SLC26A5: variants seen among roughly 807,000 people sequenced by gnomAD.
SLC26A5 encodes solute carrier family 26 member 5.
A neutral mutation model predicts 81.0 loss-of-function variants in SLC26A5; 51 were observed. The observed-to-expected ratio is 0.63, with a 90% confidence interval of 0.50 to 0.80. SLC26A5 has a LOEUF of 0.80. Among genes scored for constraint, SLC26A5 ranks in the 30% least tolerant of loss-of-function variants. SLC26A5 has a pLI of 0.00. For synonymous variants in SLC26A5, 325 were observed against 332.8 expected (o/e 0.98, Z 0.25); for missense variants, 771 against 905.8 (o/e 0.85, Z 1.91).
chr7:103,441,168 AC>A (rs1185235809), intron 2 of SLC26A5, among the ~76,000 whole-genome samples: 1 of 152,126 alleles, frequency 6.6e-6, no homozygotes, highest in Non-Finnish European at 1.5e-5. Flanking sequence ...CGTGCCTCTT[AC>A]CCTTGTCAGT....
chr7:103,442,991 G>A (rs1016485974), intron 2 of SLC26A5, 92 bp downstream of exon 2: 1 of 152,202 alleles, frequency 6.6e-6, no homozygotes, highest in African/African-American at 2.4e-5. Context: ...TAGACCTCTG[G>A]AAATTTTGAG....
chr7:103,390,362 TAAAC>T (rs1334199376), intron 12 of SLC26A5, 63 bp downstream of exon 12: 2 of 1,403,246 alleles, frequency 1.4e-6, no homozygotes, highest in Non-Finnish European at 2.0e-6. Flanking sequence ...CATAAGAACA[TAAAC>T]AAATAAAATA....
intron 2 of SLC26A5, among the ~76,000 whole-genome samples, chr7:103,430,030 T>G (rs1206745536): frequency 1.3e-5 from 2 of 151,740 alleles, no homozygotes; most frequent in Non-Finnish European, 2.9e-5. Flanking sequence ...CAATACCACA[T>G]GCAGAGCCTA....
chr7:103,370,706 A>G (rs1820984661), downstream of SLC26A5, among the ~76,000 whole-genome samples: 1 of 152,184 alleles, frequency 6.6e-6, no homozygotes, highest in South Asian at 2.1e-4. Flanking sequence ...GCTGCCATAT[A>G]CTAATACAGA....
At chr7:103,429,202 T>C (rs1005324525) in intron 2 of SLC26A5, among the ~76,000 whole-genome samples, 4 of 152,242 alleles carry the variant, frequency 2.6e-5, no homozygotes, top group African/African-American at 9.6e-5. Context: ...TTTCTTTAAG[T>C]TTTGAAATTG....
At chr7:103,445,709 G>A (rs1827254176) in intron 1 of SLC26A5, 1 of 152,330 alleles carries the variant, frequency 6.6e-6, no homozygotes, top group Non-Finnish European at 1.5e-5. Context: ...AGGCAGAACT[G>A]AGGGCCTGGT....
intron 8 of SLC26A5, among the ~76,000 whole-genome samples, chr7:103,403,840 C>G (rs1002410073): frequency 1.3e-5 from 2 of 152,010 alleles, no homozygotes; most frequent in African/African-American, 4.8e-5. Context: ...ATTTGCCAAT[C>G]TGTGTCTTTC....
chr7:103,413,481 G>A (rs1201068434), intron 4 of SLC26A5, among the ~76,000 whole-genome samples: 1 of 152,132 alleles, frequency 6.6e-6, no homozygotes. Context: ...AGACCCCTTT[G>A]CAATAAGGGA....
At chr7:103,389,222 GA>G in intron 13 of SLC26A5, 106 bp downstream of exon 13, 1 of 1,184,678 alleles carries the variant, frequency 8.4e-7, no homozygotes, top group Non-Finnish European at 1.3e-6. Context: ...TGTCTAACTG[GA>G]TACTGCACAT....
intron 2 of SLC26A5, among the ~76,000 whole-genome samples, chr7:103,435,613 A>G (rs1003513736): frequency 6.6e-6 from 1 of 152,202 alleles, no homozygotes; most frequent in African/African-American, 2.4e-5. Context: ...GATTTACTCT[A>G]TGGTGCCAAT....
rs1045133776 is a variant in SLC26A5 at position 103,445,157 on chromosome 7, A to C, written c.-183+941T>G. 2.0e-5 allele frequency: 3 copies of C among 152,212 alleles called. No individual in the cohort carries two copies. In the East Asian group the frequency reaches 5.8e-4, roughly 29 times the overall value. 9.4% of individuals were successfully genotyped at this position (152,212 alleles called of 1,614,324 possible). A position where few individuals can be genotyped will look rare whatever the true frequency, so the allele number is the denominator to read the frequency against. On this transcript the variant is annotated intron_variant, in intron 1 of 19. Transcript: ENST00000306312. ...ATGTTGTTTAAATTCTAGAATCCAC[A>C]GTACTCATCGAAGCTAGGAAAAGAA...
chr7:103,388,050 TTTTG>T (rs1202525559), intron 14 of SLC26A5, among the ~76,000 whole-genome samples: 3 of 152,128 alleles, frequency 2.0e-5, no homozygotes, highest in East Asian at 1.9e-4. Context: ...AAAGGTGTTT[TTTTG>T]TTTGTTTGTT....
chr7:103,408,440 T>G (rs183153582), intron 7 of SLC26A5, among the ~76,000 whole-genome samples: 1 of 152,288 alleles, frequency 6.6e-6, no homozygotes, highest in East Asian at 1.9e-4. Context: ...TTGGTCAGGC[T>G]GGTCTCGAAC....
In SLC26A5 at chr7:103,389,085, G is replaced by A. The variant is rs1276294637; in HGVS notation, c.1437C>T (p.Ser479=). 1.9e-6 allele frequency: 3 copies of A among 1,613,752 alleles called. No homozygotes were observed. The highest frequency in any genetic ancestry group is 1.3e-5 in the African/African-American group (1 of 75,040). ...LTIWLTTFVS[S]LFLGLDYGLI... Reference sequence around the variant, plus strand: ...AACCATAGTCCAATCCCAGGAACAAGGAGGACACAAAAGTGGTAAGCCAGA... The same window carrying A: ...AACCATAGTCCAATCCCAGGAACAAAGAGGACACAAAAGTGGTAAGCCAGA... The change falls in exon 14 of 20, where the codon TCC becomes TCT. Residue 479 remains serine (S), a synonymous_variant. Coordinates refer to ENST00000306312, the MANE Select transcript of SLC26A5 (RefSeq NM_198999.3).
At chr7:103,405,308 AT>A (rs1392021536) in intron 8 of SLC26A5, among the ~76,000 whole-genome samples, 2 of 151,964 alleles carry the variant, frequency 1.3e-5, no homozygotes, top group African/African-American at 2.4e-5. Context: ...GTTTTTCCTC[AT>A]CTTCATGGAT....
At chr7:103,372,125 G>A (rs528511159), downstream of SLC26A5, among the ~76,000 whole-genome samples, 12 of 152,312 alleles carry the variant, frequency 7.9e-5, 1 homozygote, top group Middle Eastern at 6.8e-3. Flanking sequence ...AAGGCAGTCC[G>A]TATCAGAATG....
intron 10 of SLC26A5, 104 bp downstream of exon 10, chr7:103,392,815 G>T: frequency 2.1e-6 from 3 of 1,411,292 alleles, no homozygotes; most frequent in Non-Finnish European, 9.9e-7. Flanking sequence ...CTGACCTCAT[G>T]ATCCGCCTGC....
chr7:103,369,862 C>A (rs192558563), downstream of SLC26A5, among the ~76,000 whole-genome samples: 1 of 152,140 alleles, frequency 6.6e-6, no homozygotes, highest in East Asian at 1.9e-4. Flanking sequence ...TAAAAAACTC[C>A]GTTTTCATGA....
intron 2 of SLC26A5, among the ~76,000 whole-genome samples, chr7:103,430,196 A>G (rs1171199495): frequency 6.6e-6 from 1 of 150,824 alleles, no homozygotes; most frequent in East Asian, 2.0e-4. Flanking sequence ...CTCCTGCCTC[A>G]GCCTCCCAAG....
Sources: gnomAD v4.1 joint callset for allele counts (sites outside exome capture counted in the v4.1 genomes callset) on GRCh38, gnomAD v4.1.1 for gene constraint, MANE v1.5 for transcripts, NCBI Gene and HGNC (gene_info 2026-07-23, HGNC 2026-07-21) for gene names.